Variants in GSAP observed in about 807,000 individuals in gnomAD.
GSAP encodes gamma-secretase activating protein.
GSAP carries 118 observed loss-of-function variants against 131.7 expected under a neutral mutation model. The observed-to-expected ratio is 0.90, with a 90% CI of 0.77 to 1.04. The LOEUF (loss-of-function observed/expected upper bound fraction) is 1.04. Ranked by LOEUF, GSAP falls within the 50% of genes least tolerant of loss-of-function variation. GSAP has a pLI of 0.00. For synonymous variants in GSAP, 381 were observed against 363.4 expected (o/e 1.05, Z -0.55); for missense variants, 1,019 against 1,013.2 (o/e 1.01, Z -0.08).
At chr7:77,381,462 C>A in intron 7 of GSAP, 108 bp from the exon 8 acceptor site, 1 of 526,844 alleles carries the variant, frequency 1.9e-6, no homozygotes, top group South Asian at 3.1e-5. Flanking sequence ...GCAGATTGAA[C>A]AACTGGCCAG....
chr7:77,311,684 T>C, intron 30 of GSAP, 157 bp downstream of exon 30: 1 of 596,068 alleles, frequency 1.7e-6, no homozygotes, highest in South Asian at 2.1e-5. Flanking sequence ...TAATTTACTC[T>C]AGGTAGTAAA....
At chr7:77,389,503 G>A (rs577480719) in intron 5 of GSAP, among the ~76,000 whole-genome samples, 14 of 136,682 alleles carry the variant, frequency 1.0e-4, no homozygotes, top group South Asian at 6.6e-4. Context: ...CTCATTGTTC[G>A]ATTCCCACCT....
chr7:77,390,312 G>T (rs1471402467), intron 5 of GSAP, among the ~76,000 whole-genome samples: 4 of 151,952 alleles, frequency 2.6e-5, no homozygotes, highest in Non-Finnish European at 5.9e-5. Context: ...GTCAATTTTG[G>T]CTTTTGTTGC....
At chr7:77,334,331 C>A (rs1316379415) in intron 19 of GSAP, among the ~76,000 whole-genome samples, 1 of 151,872 alleles carries the variant, frequency 6.6e-6, no homozygotes, top group Non-Finnish European at 1.5e-5. Context: ...GAAGAGAAAA[C>A]CAAATGGCAC....
At chr7:77,340,240 A>G (rs1790704168) in intron 19 of GSAP, among the ~76,000 whole-genome samples, 1 of 152,138 alleles carries the variant, frequency 6.6e-6, no homozygotes, top group Non-Finnish European at 1.5e-5. Context: ...ATCCTATGAA[A>G]CAGTCCCACC....
chr7:77,381,759 A>G (rs755683428), intron 7 of GSAP, among the ~76,000 whole-genome samples: 16 of 152,114 alleles, frequency 1.1e-4, no homozygotes, highest in Non-Finnish European at 1.8e-4. Flanking sequence ...TGAACATACC[A>G]GATAAAAAAC....
At chr7:77,414,844 C>CTATTTTTTT (rs1803994472) in intron 1 of GSAP, among the ~76,000 whole-genome samples, 1 of 59,856 alleles carries the variant, frequency 1.7e-5, no homozygotes, top group Non-Finnish European at 2.8e-5. Context: ...ATGTGGGCGA[C>CTATTTTTTT]TTTTTTTTTT....
At chr7:77,381,251 C>A in intron 8 of GSAP, 54 bp downstream of exon 8, 1 of 939,178 alleles carries the variant, frequency 1.1e-6, no homozygotes, top group Non-Finnish European at 1.6e-6. Flanking sequence ...TAGTAATGTA[C>A]TTCTTTGTGG....
intron 6 of GSAP, among the ~76,000 whole-genome samples, chr7:77,386,473 G>T (rs1249958560): frequency 6.6e-6 from 1 of 152,166 alleles, no homozygotes; most frequent in Non-Finnish European, 1.5e-5. Context: ...TCTAGTCACA[G>T]CATGTTTGTC....
intron 19 of GSAP, among the ~76,000 whole-genome samples, chr7:77,342,221 T>C (rs756858167): frequency 3.1e-4 from 47 of 151,984 alleles, no homozygotes; most frequent in African/African-American, 1.1e-3. Flanking sequence ...CAGATGCTTT[T>C]GGCAACTCTT....
At chr7:77,336,466 C>T (rs1789987626) in intron 19 of GSAP, among the ~76,000 whole-genome samples, 1 of 151,522 alleles carries the variant, frequency 6.6e-6, no homozygotes, top group Non-Finnish European at 1.5e-5. Flanking sequence ...GGAATGATAT[C>T]ACTAGCCTCA....
At chr7:77,320,925 A>C in intron 25 of GSAP, 106 bp from the exon 26 acceptor site, 1 of 702,858 alleles carries the variant, frequency 1.4e-6, no homozygotes, top group Non-Finnish European at 2.6e-6. Flanking sequence ...CATGCTAATC[A>C]TGAAATGCTA....
chr7:77,360,591 TA>T (rs1206598838), intron 14 of GSAP, among the ~76,000 whole-genome samples: 1 of 152,182 alleles, frequency 6.6e-6, no homozygotes, highest in Non-Finnish European at 1.5e-5. Context: ...CTAGGTTCTC[TA>T]AAAAGGGAAG....
intron 22 of GSAP, chr7:77,328,358 A>G: frequency 8.0e-7 from 1 of 1,246,668 alleles, no homozygotes. Context: ...AATAAGGAGA[A>G]CCGCAAGGCC....
chr7:77,365,898 GT>G (rs35007328), intron 12 of GSAP, among the ~76,000 whole-genome samples: 33,478 of 115,926 alleles, frequency 0.29, 2,553 homozygotes, highest in East Asian at 0.44. Flanking sequence ...GCAACTGTGG[GT>G]TTTTTTTTTT....
chr7:77,318,682 A>ATC (rs1268659245), intron 26 of GSAP, among the ~76,000 whole-genome samples: 1 of 152,178 alleles, frequency 6.6e-6, no homozygotes, highest in Non-Finnish European at 1.5e-5. Context: ...TGGGACCCTT[A>ATC]TCTTTACCAT....
intron 19 of GSAP, among the ~76,000 whole-genome samples, chr7:77,336,252 GA>G (rs1789956430): frequency 6.6e-6 from 1 of 151,738 alleles, no homozygotes; most frequent in South Asian, 2.1e-4. Context: ...TATGCCCTGA[GA>G]AAGTCAATGC....
chr7:77,353,129 T>C (rs936793705), intron 17 of GSAP, 103 bp from the exon 18 acceptor site: 9 of 698,586 alleles, frequency 1.3e-5, no homozygotes, highest in Non-Finnish European at 2.1e-5. Flanking sequence ...AAAGTTTTCA[T>C]TGTCTTATCC....
intron 19 of GSAP, among the ~76,000 whole-genome samples, chr7:77,336,632 G>A (rs1050897110): frequency 6.6e-6 from 1 of 152,100 alleles, no homozygotes; most frequent in Admixed American, 6.5e-5. Context: ...GGGACTACAG[G>A]CGCCTGCCAC....
Sources: gnomAD v4.1 joint callset for allele counts (sites outside exome capture counted in the v4.1 genomes callset) on GRCh38, gnomAD v4.1.1 for gene constraint, MANE v1.5 for transcripts, NCBI Gene and HGNC (gene_info 2026-07-23, HGNC 2026-07-21) for gene names.